The following PRKCZ variants were observed in gnomAD, a reference collection of about 807,000 sequenced individuals.
PRKCZ encodes the protein protein kinase C zeta, also known as protein kinase C zeta type.
Under a neutral mutation model 79.5 loss-of-function variants are expected in PRKCZ, and 33 were observed. The observed-to-expected ratio is 0.41, with a 90% CI of 0.31 to 0.55. The LOEUF is 0.55. PRKCZ is among the 20% of genes least tolerant of loss of function. PRKCZ has a pLI of 0.19. For synonymous variants in PRKCZ, 342 were observed against 320.9 expected, an observed-to-expected ratio of 1.07 and a Z score of -0.70; for missense variants, 578 against 813.5, an observed-to-expected ratio of 0.71 and a Z score of 3.52.
At chr1:2,079,913 A>C (rs556310849) in intron 4 of PRKCZ, among the ~76,000 whole-genome samples, 16 of 152,220 alleles carry the variant, frequency 1.1e-4, no homozygotes, top group Non-Finnish European at 2.4e-4. Flanking sequence ...TCTCACCCCT[A>C]GTAAGGAGTC....
rs1685035250 is a variant in PRKCZ at position 2,174,338 on chromosome 1, C to G, written c.1405+322C>G. Among the ~76,000 whole-genome samples, 1 of 152,214 alleles carries G rather than the reference C, an allele frequency of 6.6e-6. No homozygotes were observed. The highest frequency in any genetic ancestry group is 2.4e-5 in the African/African-American group (1 of 41,450). ...TACCGAGCTGAAAGCACAGCCCCCA[C>G]CCCCAAAACCCACAGCCACCATCAT... On this transcript the variant is annotated intron_variant, in intron 14 of 17. Coordinates refer to ENST00000378567, the MANE Select transcript of PRKCZ (RefSeq NM_002744.6). The surrounding 1 kb of genome is among the most constrained non-coding windows in gnomAD (Gnocchi z 6.2).
At chr1:2,059,370 C>T (rs557493077) in intron 3 of PRKCZ, among the ~76,000 whole-genome samples, 171 bp from the exon 4 acceptor site, 5 of 152,370 alleles carry the variant, frequency 3.3e-5, no homozygotes, top group South Asian at 2.1e-4. Flanking sequence ...GCCTGGCCTA[C>T]GTAGACGCAC....
chr1:2,056,388 C>T, intron 2 of PRKCZ, 96 bp from the exon 3 acceptor site: 1 of 1,126,028 alleles, frequency 8.9e-7, no homozygotes, highest in Non-Finnish European at 1.3e-6. Context: ...ACTTTGCCCC[C>T]CACCAGACCC....
chr1:2,102,614 G>A (rs189323307), intron 4 of PRKCZ, among the ~76,000 whole-genome samples: 2 of 152,188 alleles, frequency 1.3e-5, no homozygotes, highest in East Asian at 3.8e-4. Flanking sequence ...TTACAGGTGT[G>A]AGCCACCGTG....
At chr1:2,113,398 G>T (rs949061991) in intron 4 of PRKCZ, among the ~76,000 whole-genome samples, 5 of 152,234 alleles carry the variant, frequency 3.3e-5, no homozygotes, top group Non-Finnish European at 7.4e-5. Flanking sequence ...TGGGCTTTGA[G>T]GGGGGCTCAT....
intron 4 of PRKCZ, among the ~76,000 whole-genome samples, chr1:2,080,280 A>G (rs918804591): frequency 2.4e-4 from 32 of 134,756 alleles, no homozygotes; most frequent in African/African-American, 1.2e-3. Flanking sequence ...TGAAGGCTAA[A>G]GTATGCAGGA....
At chr1:2,058,195 G>A (rs533715299) in intron 3 of PRKCZ, among the ~76,000 whole-genome samples, 17 of 152,026 alleles carry the variant, frequency 1.1e-4, no homozygotes, top group South Asian at 4.1e-4. Context: ...TAGAGATGGG[G>A]TCTCGCCATG....
At chr1:2,112,922 C>T (rs1438167490) in intron 4 of PRKCZ, among the ~76,000 whole-genome samples, 1 of 152,206 alleles carries the variant, frequency 6.6e-6, no homozygotes, top group Non-Finnish European at 1.5e-5. Flanking sequence ...GAACTCCTGA[C>T]CTCAGGCGAT....
intron 7 of PRKCZ, among the ~76,000 whole-genome samples, chr1:2,146,426 G>C (rs1161439804): frequency 6.6e-6 from 1 of 152,222 alleles, no homozygotes; most frequent in Non-Finnish European, 1.5e-5. Context: ...AAGGCACTTA[G>C]TGCAGCAGCC....
chr1:2,085,349 C>G (rs1407587247), intron 4 of PRKCZ, among the ~76,000 whole-genome samples: 1 of 152,260 alleles, frequency 6.6e-6, no homozygotes, highest in Non-Finnish European at 1.5e-5. Context: ...CCCTGTGTTA[C>G]CGGATCTTCA....
rs760393092 is a variant in PRKCZ, at chr1:2,165,702, CATG to C, written c.975-3815_975-3813del. ...GTTCCACCAGAACTTTCTGTACACACATGGTGGTGGCCCGCCCGGACCCATCTG... is the reference window on the plus strand; with the variant it reads ...GTTCCACCAGAACTTTCTGTACACACGTGGTGGCCCGCCCGGACCCATCTG... On this transcript the variant is annotated intron_variant, in intron 10 of 17. Coordinates refer to ENST00000378567, the MANE Select transcript of PRKCZ (RefSeq NM_002744.6). This position sits in a 1 kb window ranked among gnomAD's most constrained non-coding sequence, Gnocchi z 4.1. Among the ~76,000 whole-genome samples the C allele has an allele frequency of 9.2e-5, 14 of 152,184 alleles. No individual in the cohort carries two copies. Among genetic ancestry groups the C allele is most frequent in the South Asian group, 4.1e-4 (2 of 4,828 alleles).
chr1:2,162,710 A>G (rs1557712402), intron 10 of PRKCZ, among the ~76,000 whole-genome samples: 1 of 152,134 alleles, frequency 6.6e-6, no homozygotes, highest in Non-Finnish European at 1.5e-5. Flanking sequence ...AGCTTCCCAG[A>G]GTGCTGGCAT....
chr1:2,117,908 C>T (rs750610014), intron 4 of PRKCZ, among the ~76,000 whole-genome samples: 8 of 150,288 alleles, frequency 5.3e-5, no homozygotes, highest in African/African-American at 9.8e-5. Flanking sequence ...GTGATGAGTT[C>T]GCCTTTTTAT....
intron 10 of PRKCZ, among the ~76,000 whole-genome samples, chr1:2,160,952 C>T (rs1174262336): frequency 1.4e-5 from 2 of 141,140 alleles, no homozygotes; most frequent in East Asian, 1.9e-4. Flanking sequence ...CAGGAGGAGG[C>T]GCCGCCGTCG....
At chr1:2,098,017 G>A (rs542195760) in intron 4 of PRKCZ, among the ~76,000 whole-genome samples, 51 of 152,246 alleles carry the variant, frequency 3.3e-4, no homozygotes, top group South Asian at 2.7e-3. Flanking sequence ...CCGGAGTGGC[G>A]GGGTGAATAG....
At chr1:2,085,267 G>C (rs190200292) in intron 4 of PRKCZ, among the ~76,000 whole-genome samples, 12 of 152,362 alleles carry the variant, frequency 7.9e-5, no homozygotes, top group African/African-American at 1.7e-4. Flanking sequence ...CGCCCTACCT[G>C]GCGTGGGCGT....
At chr1:2,055,650 T>C in intron 2 of PRKCZ, 88 bp downstream of exon 2, 1 of 1,502,324 alleles carries the variant, frequency 6.7e-7, no homozygotes, top group Non-Finnish European at 8.9e-7. Flanking sequence ...CTCAGCCAAT[T>C]CTGTGGGGAG....
Position 2,180,493 on chromosome 1 carries a change from C to T in PRKCZ, c.1576-4090C>T, listed in dbSNP as rs1357572791. 2.9e-4 allele frequency among the ~76,000 whole-genome samples: 44 copies of T among 151,858 alleles called. 1 individual carries two copies. Among genetic ancestry groups the T allele is most frequent in the Admixed American group, 2.4e-3 (36 of 15,246 alleles). ...CCAGACGACGCGGACGCACAGACGA[C>T]GCGGACGCACAGATGACGTGGACGC... On this transcript the variant is annotated intron_variant, in intron 16 of 17. Coordinates refer to ENST00000378567, the MANE Select transcript of PRKCZ (RefSeq NM_002744.6).
chr1:2,172,000 G>A, intron 11 of PRKCZ, 55 bp from the exon 12 acceptor site: 1 of 1,537,898 alleles, frequency 6.5e-7, no homozygotes, highest in Non-Finnish European at 8.7e-7. Context: ...GGCTGGAGCT[G>A]TTGGCGCAGC....
Sources: gnomAD v4.1 joint callset for allele counts (sites outside exome capture counted in the v4.1 genomes callset) on GRCh38, gnomAD v4.1.1 for gene constraint, Gnocchi (gnomAD v3.1) non-coding constraint, MANE v1.5 for transcripts, NCBI Gene and HGNC (gene_info 2026-07-23, HGNC 2026-07-21) for gene names.